Variants in BRINP3 observed in about 807,000 individuals in gnomAD.
BRINP3 encodes the protein BMP/retinoic acid-inducible neural-specific protein 3.
A neutral mutation model predicts 71.0 loss-of-function variants in BRINP3; 19 were observed. The observed-to-expected ratio is 0.27, with a 90% CI of 0.19 to 0.39. The LOEUF is 0.39. Ranked by LOEUF, BRINP3 falls within the 10% of genes least tolerant of loss-of-function variation. BRINP3 has a pLI of 1.00. For missense variants in BRINP3, 959 were observed against 940.8 expected (o/e 1.02, Z -0.25); for synonymous variants, 380 against 337.7 (o/e 1.13, Z -1.37).
intron 1 of BRINP3, among the ~76,000 whole-genome samples, chr1:190,456,251 A>G (rs1455202783): frequency 6.6e-6 from 1 of 152,206 alleles, no homozygotes; most frequent in Non-Finnish European, 1.5e-5. Flanking sequence ...GCTCTGAAGT[A>G]GCTCAAAGCA....
intron 2 of BRINP3, among the ~76,000 whole-genome samples, chr1:190,446,442 T>C (rs1429372609): frequency 1.3e-5 from 2 of 151,934 alleles, no homozygotes; most frequent in African/African-American, 2.4e-5. Context: ...ATACAAGAAA[T>C]AGGAAAAAAT....
chr1:190,408,248 G>T (rs1672434335), intron 2 of BRINP3, among the ~76,000 whole-genome samples: 2 of 150,596 alleles, frequency 1.3e-5, no homozygotes, highest in South Asian at 4.2e-4. Context: ...GTTTCACCGT[G>T]TTAGCCAGGA....
At chr1:190,295,049 G>A (rs1221693503) in intron 2 of BRINP3, among the ~76,000 whole-genome samples, 1 of 152,052 alleles carries the variant, frequency 6.6e-6, no homozygotes, top group East Asian at 1.9e-4. Flanking sequence ...AGCCTCTGCA[G>A]CTTGTAAGGT....
At chr1:190,306,868 A>G (rs1665138402) in intron 2 of BRINP3, among the ~76,000 whole-genome samples, 1 of 152,068 alleles carries the variant, frequency 6.6e-6, no homozygotes. Context: ...GAATATTTAA[A>G]TAAAAGATAC....
intron 2 of BRINP3, among the ~76,000 whole-genome samples, chr1:190,329,551 A>T (rs960645861): frequency 6.6e-6 from 1 of 152,098 alleles, no homozygotes; most frequent in African/African-American, 2.4e-5. Context: ...CAAATGAAAA[A>T]ACATTACATG....
chr1:190,314,549 C>T (rs1195886636), intron 2 of BRINP3, among the ~76,000 whole-genome samples: 2 of 152,204 alleles, frequency 1.3e-5, no homozygotes, highest in East Asian at 1.9e-4. Context: ...TGTCTGAAAG[C>T]TGGACTAATG....
intron 2 of BRINP3, among the ~76,000 whole-genome samples, chr1:190,323,666 T>C (rs750994569): frequency 1.1e-4 from 16 of 152,000 alleles, no homozygotes; most frequent in Non-Finnish European, 1.6e-4. Flanking sequence ...TTCTCTGTGG[T>C]TGAATATGAT....
At chr1:190,290,707 C>T (rs188290386) in intron 2 of BRINP3, among the ~76,000 whole-genome samples, 1 of 152,068 alleles carries the variant, frequency 6.6e-6, no homozygotes, top group East Asian at 1.9e-4. Context: ...GAGGTGTGTG[C>T]TCTTTTTATC....
At chr1:190,281,487 TA>T in intron 3 of BRINP3, 72 bp downstream of exon 3, 1 of 1,377,300 alleles carries the variant, frequency 7.3e-7, no homozygotes, top group Non-Finnish European at 1.0e-6. Context: ...CTTGATTAAT[TA>T]ACACTTTTCT....
intron 2 of BRINP3, among the ~76,000 whole-genome samples, chr1:190,282,617 C>T (rs1315411415): frequency 6.6e-6 from 1 of 151,898 alleles, no homozygotes; most frequent in Non-Finnish European, 1.5e-5. Flanking sequence ...ACACTTTATA[C>T]ACATGTGCAA....
At chr1:190,405,046 T>C (rs1351350386) in intron 2 of BRINP3, among the ~76,000 whole-genome samples, 1 of 152,194 alleles carries the variant, frequency 6.6e-6, no homozygotes, top group Non-Finnish European at 1.5e-5. Context: ...TGTTCTTTAA[T>C]TTATGGAAGT....
At chr1:190,108,207 C>T (rs1363859762) in intron 7 of BRINP3, among the ~76,000 whole-genome samples, 1 of 151,996 alleles carries the variant, frequency 6.6e-6, no homozygotes, top group Admixed American at 6.6e-5. Context: ...TTTATATTAA[C>T]ATTTTCTAGT....
At chr1:190,159,792 T>C (rs1657186685) in intron 7 of BRINP3, among the ~76,000 whole-genome samples, 3 of 151,958 alleles carry the variant, frequency 2.0e-5, no homozygotes, top group Admixed American at 6.6e-5. Context: ...TTTTTTTTTA[T>C]ACTAGACACC....
intron 7 of BRINP3, among the ~76,000 whole-genome samples, chr1:190,126,960 C>G (rs1654135332): frequency 6.6e-6 from 1 of 151,684 alleles, no homozygotes; most frequent in Non-Finnish European, 1.5e-5. Context: ...CTCATGCAAC[C>G]ATTAAAAGGG....
intron 7 of BRINP3, among the ~76,000 whole-genome samples, chr1:190,115,106 C>G (rs2102296317): frequency 6.6e-6 from 1 of 152,104 alleles, no homozygotes; most frequent in South Asian, 2.1e-4. Flanking sequence ...GAAGTTTTAT[C>G]TCACTTATTC....
chr1:190,286,532 G>C (rs183870385), intron 2 of BRINP3, among the ~76,000 whole-genome samples: 3 of 152,172 alleles, frequency 2.0e-5, no homozygotes, highest in Admixed American at 2.0e-4. Context: ...CAATGAAAAA[G>C]AAACCCAAAA....
At chr1:190,423,312 AT>A (rs1014315001) in intron 2 of BRINP3, among the ~76,000 whole-genome samples, 12 of 151,744 alleles carry the variant, frequency 7.9e-5, no homozygotes, top group African/African-American at 2.9e-4. Flanking sequence ...AGTTCAATTT[AT>A]TTAAAAAAAT....
At chr1:190,171,217 A>C (rs76526668) in intron 6 of BRINP3, among the ~76,000 whole-genome samples, 2,824 of 152,272 alleles carry the variant, frequency 0.019, 31 homozygotes, top group Non-Finnish European at 0.029. Context: ...GACATAAAGA[A>C]ATCAGCATAC....
intron 2 of BRINP3, among the ~76,000 whole-genome samples, chr1:190,362,638 C>T (rs955047541): frequency 4.6e-5 from 7 of 152,038 alleles, no homozygotes; most frequent in South Asian, 2.1e-4. Flanking sequence ...GGGAGGAACC[C>T]GGTGGGAGAT....
Sources: allele counts gnomAD v4.1 joint callset (sites outside exome capture counted in the v4.1 genomes callset), GRCh38; gene constraint gnomAD v4.1.1; transcripts MANE v1.5; gene names NCBI Gene and HGNC (gene_info 2026-07-23, HGNC 2026-07-21).